RANBP2: variants seen among roughly 807,000 people sequenced by gnomAD.
RANBP2 encodes E3 SUMO-protein ligase RanBP2.
In RANBP2, 57 loss-of-function variants were observed where a neutral mutation model predicts 303.6. The ratio of observed to expected loss-of-function variants is 0.19; its 90% confidence interval spans 0.15 to 0.23. The LOEUF (loss-of-function observed/expected upper bound fraction) is 0.23. Ranked by LOEUF, RANBP2 falls within the 10% of genes least tolerant of loss-of-function variation. The pLI, the probability that RANBP2 is intolerant of heterozygous loss-of-function variation, is 1.00. For missense variants in RANBP2, 3,138 were observed against 3,780.8 expected, an observed-to-expected ratio of 0.83 and a Z score of 4.46; for synonymous variants, 1,167 against 1,301.5, an observed-to-expected ratio of 0.90 and a Z score of 2.23.
chr2:109,423,207 T>C, the RANBP2 span, among the ~76,000 whole-genome samples: 2 of 152,030 alleles, frequency 1.3e-5, no homozygotes, highest in African/African-American at 2.4e-5. Flanking sequence ...GGGGTTGGCC[T>C]GCAACAGGGA....
the RANBP2 span, among the ~76,000 whole-genome samples, chr2:109,199,987 C>A: frequency 2.0e-5 from 3 of 152,044 alleles, no homozygotes; most frequent in Admixed American, 1.3e-4. Context: ...TTGGTTGTCA[C>A]AGCTAAGGTG....
the RANBP2 span, among the ~76,000 whole-genome samples, chr2:108,988,682 T>C: frequency 6.6e-6 from 1 of 152,098 alleles, no homozygotes; most frequent in Non-Finnish European, 1.5e-5. Flanking sequence ...GTAGCCCAAA[T>C]CTTAAAGCCT....
the RANBP2 span, among the ~76,000 whole-genome samples, chr2:109,652,416 G>C: frequency 6.6e-6 from 1 of 152,048 alleles, no homozygotes; most frequent in Admixed American, 6.5e-5. Context: ...TAGTAGAGAC[G>C]GGGTTTCACT....
At chr2:109,539,350 G>C in the RANBP2 span, among the ~76,000 whole-genome samples, 9,796 of 152,184 alleles carry the variant, frequency 0.064, 750 homozygotes, top group East Asian at 0.24. Flanking sequence ...ACAAATGTAT[G>C]TAGCCATGTG....
chr2:109,432,465 G>A, the RANBP2 span: 1 of 1,609,372 alleles, frequency 6.2e-7, no homozygotes, highest in East Asian at 2.2e-5. Flanking sequence ...CCCCAGGAGG[G>A]CTCCCACTGA....
the RANBP2 span, chr2:108,923,224 C>T: frequency 7.5e-6 from 6 of 803,868 alleles, no homozygotes; most frequent in South Asian, 2.9e-5. Flanking sequence ...CCTGCCTGGA[C>T]AGGCCACAGG....
the RANBP2 span, among the ~76,000 whole-genome samples, chr2:109,520,471 A>G: frequency 1.3e-5 from 2 of 151,466 alleles, no homozygotes; most frequent in African/African-American, 2.4e-5. Context: ...GTGGTGGCAC[A>G]TGCCTGTAAT....
the RANBP2 span, among the ~76,000 whole-genome samples, chr2:109,641,481 A>G: frequency 1.3e-5 from 2 of 152,214 alleles, no homozygotes; most frequent in South Asian, 4.1e-4. Flanking sequence ...CTGACTGAAT[A>G]AGTCAGTCAC....
the RANBP2 span, among the ~76,000 whole-genome samples, chr2:109,001,328 G>A: frequency 1.3e-5 from 2 of 152,228 alleles, no homozygotes; most frequent in South Asian, 4.1e-4. Flanking sequence ...CTGAGGCCAA[G>A]GAAATGGCTC....
At chr2:108,886,419 T>C in the RANBP2 span, among the ~76,000 whole-genome samples, 1 of 152,176 alleles carries the variant, frequency 6.6e-6, no homozygotes, top group African/African-American at 2.4e-5. Context: ...TTGCCCACTT[T>C]ATTTATTTTT....
chr2:109,396,265 T>C, the RANBP2 span, among the ~76,000 whole-genome samples: 1 of 152,126 alleles, frequency 6.6e-6, no homozygotes, highest in East Asian at 1.9e-4. Flanking sequence ...AGCAAATGAA[T>C]ACAGCCATAA....
chr2:108,970,427 A>G, the RANBP2 span, among the ~76,000 whole-genome samples: 1 of 152,246 alleles, frequency 6.6e-6, no homozygotes, highest in African/African-American at 2.4e-5. Flanking sequence ...AGAGGCTGAG[A>G]TATGAAGTGA....
chr2:109,650,862 G>A, the RANBP2 span, among the ~76,000 whole-genome samples: 5 of 152,020 alleles, frequency 3.3e-5, no homozygotes, highest in South Asian at 2.1e-4. Context: ...TAAATTACCC[G>A]GTCTTGGGTA....
At chr2:108,735,839 C>T (rs2149129269) in intron 5 of RANBP2, 77 bp downstream of exon 5, 2 of 1,594,580 alleles carry the variant, frequency 1.3e-6, no homozygotes, top group Non-Finnish European at 1.7e-6. Context: ...AGCAGCAGTG[C>T]CCCGCAGGAC....
chr2:109,249,532 T>TTTCTTTCTTTTTCTTTCTTTCCTTCC, the RANBP2 span, among the ~76,000 whole-genome samples: 1 of 96,450 alleles, frequency 1.0e-5, no homozygotes, highest in Non-Finnish European at 2.0e-5. Flanking sequence ...TCTTTCTTTC[T>TTTCTTTCTTTTTCTTTCTTTCCTTCC]TTCCTTCCTT....
the RANBP2 span, among the ~76,000 whole-genome samples, chr2:108,934,582 T>C: frequency 1.3e-5 from 2 of 152,204 alleles, no homozygotes; most frequent in Non-Finnish European, 2.9e-5. Flanking sequence ...TTTGGGGTTC[T>C]GGTTCTGGGA....
In RANBP2 at chr2:108,769,120, A is replaced by G. The variant is rs548686687; in HGVS notation, c.7849+732A>G. The G allele has an allele frequency of 5.0e-6, 4 of 797,934 alleles. No individual in the cohort carries two copies. In the South Asian group the frequency reaches 1.7e-4, roughly 34 times the overall value. 49.4% of individuals were successfully genotyped at this position (797,934 alleles called of 1,614,324 possible). A position where few individuals can be genotyped will look rare whatever the true frequency, so the allele number is the denominator to read the frequency against. On this transcript the variant is annotated intron_variant, in intron 20 of 28. Transcript: ENST00000283195. The stretch of plus-strand genomic sequence containing the variant: ...TGCTCATGTATTAAATGAGCAAAGA[A>G]TGAAACTACAGGGATAAATGAATAT...
chr2:109,504,664 G>A, the RANBP2 span: 1 of 152,216 alleles, frequency 6.6e-6, no homozygotes, highest in African/African-American at 2.4e-5. Flanking sequence ...GGAGGAGCAG[G>A]GTCCAGCAGA....
the RANBP2 span, among the ~76,000 whole-genome samples, chr2:109,223,327 A>G: frequency 6.6e-6 from 1 of 152,222 alleles, no homozygotes; most frequent in African/African-American, 2.4e-5. Context: ...TGTGTTTCCC[A>G]GAGCCGACAG....
Sources: allele counts gnomAD v4.1 joint callset (sites outside exome capture counted in the v4.1 genomes callset), GRCh38; gene constraint gnomAD v4.1.1; transcripts MANE v1.5; gene names NCBI Gene and HGNC (gene_info 2026-07-23, HGNC 2026-07-21).